Variants in NEO1 observed in about 807,000 individuals in gnomAD.
NEO1 encodes neogenin 1, also known as neogenin.
In NEO1, 63 loss-of-function variants were observed where a neutral mutation model predicts 159.7. The observed-to-expected ratio is 0.39, with a 90% CI of 0.32 to 0.49. NEO1 has a LOEUF of 0.49. Among genes scored for constraint, NEO1 ranks in the 20% least tolerant of loss-of-function variants. The pLI is 0.85. For synonymous variants in NEO1, 633 were observed against 662.0 expected, an observed-to-expected ratio of 0.96 and a Z score of 0.67; for missense variants, 1,615 against 1,831.0, an observed-to-expected ratio of 0.88 and a Z score of 2.15.
At chr15:73,274,797 T>A (rs1226755929) in intron 21 of NEO1, 73 bp downstream of exon 21, 14 of 220,286 alleles carry the variant, frequency 6.4e-5, no homozygotes, top group Non-Finnish European at 9.2e-5. Context: ...TTTTTGTTTC[T>A]TTTTTTTTTT....
Position 73,298,610 on chromosome 15 carries a change from A to G in NEO1, c.4164A>G (p.Gln1388=), listed in dbSNP as rs377216952. The G allele has an allele frequency of 8.7e-6, 14 of 1,614,142 alleles. No individual in the cohort carries two copies. Among genetic ancestry groups the G allele is most frequent in the Non-Finnish European group, 1.0e-5 (12 of 1,179,988 alleles). ...ALPSTPLLSQ[Q]ALNHHIHSVK... ...CAAGCACACCATTACTGTCCCAGCA[A>G]GGTGAGTGAGGATGGCAGCACACCT... The change falls in exon 27 of 29, where the codon CAA becomes CAG. Residue 1388 remains glutamine (Q), a splice_region_variant and synonymous_variant. Coordinates refer to ENST00000261908, the MANE Select transcript of NEO1 (RefSeq NM_002499.4).
chr15:73,172,790 G>A (rs2035048227), intron 5 of NEO1, among the ~76,000 whole-genome samples: 1 of 152,166 alleles, frequency 6.6e-6, no homozygotes, highest in South Asian at 2.1e-4. Flanking sequence ...GGAAACTTGA[G>A]CAGGAACAAA....
At chr15:73,222,404 G>T (rs1362473236) in intron 7 of NEO1, among the ~76,000 whole-genome samples, 1 of 151,798 alleles carries the variant, frequency 6.6e-6, no homozygotes, top group Admixed American at 6.6e-5. Flanking sequence ...GTGCCTGGCG[G>T]TAATTTTTAA....
chr15:73,264,331 C>T (rs1382011152), intron 15 of NEO1, among the ~76,000 whole-genome samples: 2 of 152,068 alleles, frequency 1.3e-5, no homozygotes, highest in African/African-American at 2.4e-5. Flanking sequence ...AAAAAGAAAA[C>T]ACAAGAAACA....
chr15:73,108,390 C>A (rs1469662068), intron 1 of NEO1, among the ~76,000 whole-genome samples: 4 of 152,148 alleles, frequency 2.6e-5, no homozygotes, highest in Non-Finnish European at 5.9e-5. Context: ...AAAGGACAGA[C>A]TTCAAGTCAT....
intron 1 of NEO1, among the ~76,000 whole-genome samples, chr15:73,084,861 C>T (rs2069267721): frequency 1.3e-5 from 2 of 151,654 alleles, no homozygotes; most frequent in African/African-American, 4.8e-5. Context: ...ACAGTTTCTT[C>T]TTTAATAGTT....
At chr15:73,198,088 C>G (rs571227598) in intron 7 of NEO1, among the ~76,000 whole-genome samples, 2 of 152,262 alleles carry the variant, frequency 1.3e-5, no homozygotes, top group South Asian at 4.1e-4. Context: ...TTTATACTTA[C>G]TGTCCTTAGG....
chr15:73,096,095 AGG>A (rs2070013802), intron 1 of NEO1, among the ~76,000 whole-genome samples: 1 of 152,246 alleles, frequency 6.6e-6, no homozygotes, highest in Admixed American at 6.5e-5. Flanking sequence ...CATTTTAAGA[AGG>A]GACAAAACAG....
At chr15:73,127,058 C>T (rs773008227) in intron 4 of NEO1, among the ~76,000 whole-genome samples, 3 of 151,950 alleles carry the variant, frequency 2.0e-5, no homozygotes, top group Admixed American at 6.6e-5. Context: ...GGTGAAACCC[C>T]GTCTCTACTA....
intron 18 of NEO1, among the ~76,000 whole-genome samples, chr15:73,271,473 G>T (rs963053386): frequency 6.6e-6 from 1 of 152,194 alleles, no homozygotes; most frequent in South Asian, 2.1e-4. Flanking sequence ...CACAGGAAAC[G>T]TATTGTCCTG....
At chr15:73,299,572 A>G (rs2042527517) in intron 27 of NEO1, among the ~76,000 whole-genome samples, 1 of 152,120 alleles carries the variant, frequency 6.6e-6, no homozygotes, top group Admixed American at 6.6e-5. Flanking sequence ...TATTTAGTAG[A>G]GACGGGGTTT....
chr15:73,061,397 G>A (rs893973502), intron 1 of NEO1, among the ~76,000 whole-genome samples: 1 of 152,112 alleles, frequency 6.6e-6, no homozygotes, highest in Admixed American at 6.6e-5. Context: ...TGCTGTCTGG[G>A]AGATAGATCT....
chr15:73,156,866 T>C (rs1253407241), intron 5 of NEO1, among the ~76,000 whole-genome samples: 1 of 152,140 alleles, frequency 6.6e-6, no homozygotes, highest in Non-Finnish European at 1.5e-5. Context: ...TGGGTGCATC[T>C]ACCTTCCTTG....
chr15:73,174,880 A>G (rs932957586), intron 5 of NEO1, among the ~76,000 whole-genome samples: 2 of 152,220 alleles, frequency 1.3e-5, no homozygotes, highest in Non-Finnish European at 2.9e-5. Flanking sequence ...CCCTGATTTC[A>G]TCTTGTTGTA....
intron 1 of NEO1, among the ~76,000 whole-genome samples, chr15:73,091,539 C>T (rs2069691797): frequency 6.6e-6 from 1 of 151,764 alleles, no homozygotes; most frequent in Admixed American, 6.6e-5. Flanking sequence ...GAACTGTATT[C>T]GTTTTGTTGT....
intron 28 of NEO1, 109 bp downstream of exon 28, chr15:73,301,566 A>C: frequency 7.0e-7 from 1 of 1,421,280 alleles, no homozygotes; most frequent in Middle Eastern, 2.3e-4. Flanking sequence ...GCCACCCAGA[A>C]CTATGAAGCA....
In NEO1 at chr15:73,206,765, C is replaced by T. The variant is rs143792442; in HGVS notation, c.1291+28338C>T. 1.1e-3 allele frequency among the ~76,000 whole-genome samples: 167 copies of T among 152,132 alleles called. 3 individuals carry two copies. The East Asian group carries it at 0.021, about 19-fold the overall frequency. On this transcript the variant is annotated intron_variant, in intron 7 of 28. Transcript: ENST00000261908. ...TTGTTTTCACCAAACCACTTTCTATCGTTTAAGAATTCTTCAACATTTTAA... is the reference window on the plus strand; with the variant it reads ...TTGTTTTCACCAAACCACTTTCTATTGTTTAAGAATTCTTCAACATTTTAA...
intron 1 of NEO1, among the ~76,000 whole-genome samples, chr15:73,083,294 G>T (rs2069169374): frequency 6.6e-6 from 1 of 152,092 alleles, no homozygotes; most frequent in Non-Finnish European, 1.5e-5. Context: ...ATGAGAGGCT[G>T]CCATATTTCA....
intron 5 of NEO1, among the ~76,000 whole-genome samples, chr15:73,173,491 T>TA (rs2035096591): frequency 6.6e-6 from 1 of 152,176 alleles, no homozygotes; most frequent in Non-Finnish European, 1.5e-5. Flanking sequence ...TCTTGCCAGA[T>TA]ATATGTAAAG....
Sources: allele counts gnomAD v4.1 joint callset (sites outside exome capture counted in the v4.1 genomes callset), GRCh38; gene constraint gnomAD v4.1.1; transcripts MANE v1.5; gene names NCBI Gene and HGNC (gene_info 2026-07-23, HGNC 2026-07-21).